Variants in SLC19A1 observed in about 807,000 individuals in gnomAD.
The protein encoded by SLC19A1 is reduced folate transporter.
Under a neutral mutation model 35.3 loss-of-function variants are expected in SLC19A1, and 37 were observed. The observed-to-expected ratio is 1.05, with a 90% CI of 0.81 to 1.38. The LOEUF (loss-of-function observed/expected upper bound fraction) is 1.38. Among genes scored for constraint, SLC19A1 ranks in the 40% most tolerant of loss-of-function variants. The pLI, the probability that SLC19A1 is intolerant of heterozygous loss-of-function variation, is 0.00. For missense variants in SLC19A1, 831 were observed against 826.9 expected, an observed-to-expected ratio of 1.00 and a Z score of -0.06; for synonymous variants, 460 against 398.5, an observed-to-expected ratio of 1.15 and a Z score of -1.84.
intron 2 of SLC19A1, among the ~76,000 whole-genome samples, chr21:45,535,262 C>A (rs561845180): frequency 6.6e-6 from 1 of 152,370 alleles, no homozygotes; most frequent in South Asian, 2.1e-4. Context: ...CACCCAGGAG[C>A]ACCTCACGGA....
upstream of SLC19A1, chr21:45,543,639 C>T (rs779088339): frequency 6.6e-6 from 1 of 152,330 alleles, no homozygotes; most frequent in Non-Finnish European, 1.5e-5. Context: ...TGGCCTGGGC[C>T]TTCTTTCCAG....
intron 3 of SLC19A1, chr21:45,503,915 G>A: frequency 3.9e-6 from 5 of 1,277,664 alleles, no homozygotes; most frequent in Non-Finnish European, 5.7e-6. Context: ...TGGCTAGAAG[G>A]GCCTCAGGCA....
intron 5 of SLC19A1, among the ~76,000 whole-genome samples, chr21:45,516,865 G>T (rs1602698610): frequency 6.6e-6 from 1 of 152,318 alleles, no homozygotes; most frequent in South Asian, 2.1e-4. Flanking sequence ...ACATCCGCAG[G>T]CCAGAATCCC....
intron 3 of SLC19A1, chr21:45,506,361 G>C (rs941205016): frequency 1.7e-5 from 6 of 353,016 alleles, no homozygotes; most frequent in Non-Finnish European, 3.3e-5. Flanking sequence ...TGGGGGGCAG[G>C]CTGTCCCGTG....
chr21:45,536,982 C>G (rs994548320), intron 2 of SLC19A1, among the ~76,000 whole-genome samples: 2 of 152,210 alleles, frequency 1.3e-5, no homozygotes, highest in Non-Finnish European at 2.9e-5. Flanking sequence ...CTGAGAGACC[C>G]GTGACTGGGC....
chr21:45,530,473 T>G lies in SLC19A1; in HGVS notation c.1151+297A>C, dbSNP rs1028973902. Reference sequence around the variant, plus strand: ...GTGCAAGCTCCCGCTCCTGCCTGGATGGGGTCTCAGCAGCCCGGGGCCTAG... The same window carrying G: ...GTGCAAGCTCCCGCTCCTGCCTGGAGGGGGTCTCAGCAGCCCGGGGCCTAG... On this transcript the variant is annotated intron_variant, in intron 4 of 5. Coordinates refer to ENST00000311124, the MANE Select transcript of SLC19A1 (RefSeq NM_194255.4). This position sits in a 1 kb window ranked among gnomAD's most constrained non-coding sequence, Gnocchi z 5.3. 3.3e-5 allele frequency among the ~76,000 whole-genome samples: 5 copies of G among 152,214 alleles called. No individual in the cohort carries two copies. In the East Asian group the frequency reaches 9.7e-4, roughly 29 times the overall value.
At chr21:45,510,028 T>G, downstream of SLC19A1, 3 of 1,536,924 alleles carry the variant, frequency 2.0e-6, no homozygotes, top group Non-Finnish European at 2.6e-6. Context: ...GGGGGCAGCG[T>G]GGGACACAGC....
Position 45,512,620 on chromosome 21 carries a change from A to T in SLC19A1, c.*3038T>A. 1 of 594,164 alleles carries T rather than the reference A, an allele frequency of 1.7e-6. No homozygotes were observed. The highest frequency in any genetic ancestry group is 2.0e-5 in the South Asian group (1 of 50,808). The allele number at this position is 594,164 out of a possible 1,614,324, so 36.8% of individuals were successfully genotyped here. A position where few individuals can be genotyped will look rare whatever the true frequency, so the allele number is the denominator to read the frequency against. ...CTGATGCTGACATTCACCTGCCCCA[A>T]CTCTCCCCTGACCTGTGAGCCCAGC... On this transcript the variant is annotated 3_prime_UTR_variant, in exon 6 of 6. Coordinates refer to ENST00000311124, the MANE Select transcript of SLC19A1 (RefSeq NM_194255.4).
At position 45,503,388 on chromosome 21, in the gene SLC19A1, C is replaced by A. The variant is rs186322758; in HGVS notation, c.498-4776G>T. On this transcript the variant is annotated intron_variant, in intron 3 of 4. Transcript: ENST00000417954. ...TGTCTTCTTTTGAGAAGTGTCTGTT[C>A]ATGTCCTTTGCCCACTTTTTGATGG... Among the ~76,000 whole-genome samples, 13 of 152,114 alleles carry A rather than the reference C, an allele frequency of 8.5e-5. No homozygotes were observed. The East Asian group carries it at 2.5e-3, about 29-fold the overall frequency.
rs879473928 is a variant in SLC19A1 at position 45,540,557 on chromosome 21, T to G, written c.-50+1811A>C. Among the ~76,000 whole-genome samples, 1 of 152,132 alleles carries G rather than the reference T, an allele frequency of 6.6e-6. No homozygotes were observed. Among genetic ancestry groups the G allele is most frequent in the Non-Finnish European group, 1.5e-5 (1 of 68,020 alleles). On this transcript the variant is annotated intron_variant, in intron 1 of 5. Transcript: ENST00000311124. This position sits in a 1 kb window ranked among gnomAD's most constrained non-coding sequence, Gnocchi z 5.5. Reference sequence around the variant, plus strand: ...CAGTCAGCCTCTGCTGCCAGCATACTCAACTTATGTGCCGTGAACGTAGCC... The same window carrying G: ...CAGTCAGCCTCTGCTGCCAGCATACGCAACTTATGTGCCGTGAACGTAGCC...
chr21:45,504,762 C>T (rs965110474), intron 3 of SLC19A1, among the ~76,000 whole-genome samples: 2 of 152,146 alleles, frequency 1.3e-5, no homozygotes, highest in Non-Finnish European at 1.5e-5. Flanking sequence ...CCCCGTCCCC[C>T]TGCAGCGTTC....
At chr21:45,506,669 A>G (rs983947209) in intron 3 of SLC19A1, 7 of 171,382 alleles carry the variant, frequency 4.1e-5, no homozygotes, top group Non-Finnish European at 7.7e-5. Flanking sequence ...GGGAGCCTCC[A>G]TGGCAGAACA....
chr21:45,510,734 C>T (rs1438040096), downstream of SLC19A1, among the ~76,000 whole-genome samples: 2 of 152,306 alleles, frequency 1.3e-5, no homozygotes, highest in East Asian at 3.9e-4. Flanking sequence ...CGGGGAGCAC[C>T]CACATTCCCC....
intron 3 of SLC19A1, chr21:45,505,991 T>C (rs1372183626): frequency 6.2e-7 from 1 of 1,612,628 alleles, no homozygotes; most frequent in African/African-American, 1.3e-5. Context: ...TGACGGGTTC[T>C]GGACCCGTGG....
At chr21:45,509,555 G>GACCC, downstream of SLC19A1, 2 of 1,534,092 alleles carry the variant, frequency 1.3e-6, no homozygotes, top group Non-Finnish European at 1.7e-6. Context: ...CGGCCGGCGC[G>GACCC]ACCCACAAGC....
At chr21:45,546,472 C>G (rs2078417185), upstream of SLC19A1, among the ~76,000 whole-genome samples, 1 of 152,236 alleles carries the variant, frequency 6.6e-6, no homozygotes, top group Non-Finnish European at 1.5e-5. Context: ...CGGACAGCGG[C>G]CCTAGCAGGC....
chr21:45,532,126 A>C lies in SLC19A1; in HGVS notation c.212T>G (p.Val71Gly), dbSNP rs917538525. The C allele has an allele frequency of 9.3e-6, 15 of 1,605,636 alleles. No individual in the cohort carries two copies. Among genetic ancestry groups the C allele is most frequent in the Non-Finnish European group, 1.2e-5 (14 of 1,174,910 alleles). Residue 71 changes from valine to glycine, a missense_variant, in exon 3 of 6, where the codon GTG becomes GGG. By Grantham distance (109) the Val-to-Gly change is moderately radical. Coordinates refer to ENST00000311124, the MANE Select transcript of SLC19A1 (RefSeq NM_194255.4). ...REQVTNEITP[V>G]LSYSYLAVLV... The stretch of plus-strand genomic sequence containing the variant: ...CACGGCCAGGTAGGAGTACGACAGC[A>C]CCGGCGTGATCTCGTTCGTGACCTG...
chr21:45,532,885 G>A (rs779142219), intron 2 of SLC19A1, among the ~76,000 whole-genome samples: 1 of 152,252 alleles, frequency 6.6e-6, no homozygotes, highest in Non-Finnish European at 1.5e-5. Context: ...CAGAAAGGAA[G>A]GGCAGGATCA....
chr21:45,520,413 G>A (rs368535863), intron 5 of SLC19A1, among the ~76,000 whole-genome samples: 25 of 152,130 alleles, frequency 1.6e-4, no homozygotes, highest in Admixed American at 8.5e-4. Flanking sequence ...AATTATCTAC[G>A]TAGAAAATCT....
Sources: allele counts gnomAD v4.1 joint callset (sites outside exome capture counted in the v4.1 genomes callset), GRCh38; gene constraint gnomAD v4.1.1; non-coding constraint Gnocchi (gnomAD v3.1); transcripts MANE v1.5; gene names NCBI Gene and HGNC (gene_info 2026-07-23, HGNC 2026-07-21).